Variants in INVS observed in about 807,000 individuals in gnomAD.
The protein encoded by INVS is inversion of embryo turning homolog.
Under a neutral mutation model 108.8 loss-of-function variants are expected in INVS, and 86 were observed. That is an observed-to-expected ratio of 0.79 (90% CI 0.66 to 0.95). INVS has a LOEUF of 0.95. Among genes scored for constraint, INVS ranks in the 40% least tolerant of loss-of-function variants. The pLI, the probability that INVS is intolerant of heterozygous loss-of-function variation, is 0.00. For missense variants in INVS, 1,169 were observed against 1,297.4 expected, an observed-to-expected ratio of 0.90 and a Z score of 1.52; for synonymous variants, 455 against 473.5, an observed-to-expected ratio of 0.96 and a Z score of 0.51.
intron 1 of INVS, chr9:100,101,588 C>T (rs1025803266): frequency 6.6e-6 from 1 of 152,104 alleles, no homozygotes; most frequent in African/African-American, 2.4e-5. Flanking sequence ...CTGTGCTTTA[C>T]CATAATTAAG....
chr9:100,210,450 A>G (rs1830800561), intron 3 of INVS, among the ~76,000 whole-genome samples: 1 of 152,184 alleles, frequency 6.6e-6, no homozygotes, highest in South Asian at 2.1e-4. Flanking sequence ...GGGAGCAGGA[A>G]CAAGATGGAG....
intron 10 of INVS, among the ~76,000 whole-genome samples, chr9:100,260,749 A>G (rs1247699808): frequency 6.6e-6 from 1 of 152,102 alleles, no homozygotes; most frequent in Non-Finnish European, 1.5e-5. Context: ...GCTTGGGGGG[A>G]GATTTAATAT....
chr9:100,276,029 G>T (rs756408995), intron 12 of INVS, among the ~76,000 whole-genome samples: 1 of 152,120 alleles, frequency 6.6e-6, no homozygotes, highest in African/African-American at 2.4e-5. Flanking sequence ...CAGATCTCCT[G>T]TAACTCTCTG....
intron 10 of INVS, among the ~76,000 whole-genome samples, chr9:100,259,458 A>G (rs1221544705): frequency 6.6e-6 from 1 of 151,568 alleles, no homozygotes; most frequent in East Asian, 1.9e-4. Context: ...TGAACCCGGT[A>G]CCTCAGTTGG....
At chr9:100,126,346 A>G (rs749652587) in intron 2 of INVS, 37 bp from the exon 3 acceptor site, 5 of 1,512,464 alleles carry the variant, frequency 3.3e-6, no homozygotes, top group African/African-American at 2.8e-5. Context: ...AGTAATAACA[A>G]TTATCAAATA....
intron 3 of INVS, among the ~76,000 whole-genome samples, chr9:100,201,021 A>G (rs1830515104): frequency 6.6e-6 from 1 of 152,244 alleles, no homozygotes; most frequent in Non-Finnish European, 1.5e-5. Flanking sequence ...CAAGCAGTCA[A>G]GCTACTGCAG....
chr9:100,276,754 C>T (rs1345890309), intron 12 of INVS, among the ~76,000 whole-genome samples: 1 of 152,188 alleles, frequency 6.6e-6, no homozygotes, highest in Non-Finnish European at 1.5e-5. Flanking sequence ...ACCCACCCAC[C>T]TCAGCCTCGC....
At chr9:100,273,507 GT>G (rs547296113) in intron 12 of INVS, among the ~76,000 whole-genome samples, 1 of 123,892 alleles carries the variant, frequency 8.1e-6, no homozygotes, top group Non-Finnish European at 1.7e-5. Flanking sequence ...AAACAACTTG[GT>G]TTTTTTTTCC....
chr9:100,263,902 A>C (rs541738285), intron 10 of INVS, among the ~76,000 whole-genome samples: 2 of 152,266 alleles, frequency 1.3e-5, no homozygotes, highest in Admixed American at 1.3e-4. Flanking sequence ...GGTCTTATAT[A>C]TCTTTACTGC....
chr9:100,238,859 A>G (rs1320627122), intron 5 of INVS, among the ~76,000 whole-genome samples: 1 of 152,248 alleles, frequency 6.6e-6, no homozygotes, highest in African/African-American at 2.4e-5. Context: ...AAATTAATTA[A>G]CATTGTGAAC....
intron 4 of INVS, among the ~76,000 whole-genome samples, chr9:100,227,740 C>G (rs1831377549): frequency 6.6e-6 from 1 of 151,860 alleles, no homozygotes; most frequent in South Asian, 2.1e-4. Flanking sequence ...AAACCACAGC[C>G]TTGCACAAAG....
chr9:100,175,186 G>A, intron 3 of INVS: 2 of 503,200 alleles, frequency 4.0e-6, no homozygotes, highest in Admixed American at 2.8e-5. Context: ...ACATGAGTGT[G>A]CATCCAGCTT....
Position 100,292,998 on chromosome 9 carries a change from G to T in INVS, c.2741G>T (p.Arg914Leu). Residue 914 changes from arginine to leucine, a missense_variant, in exon 14 of 17, where the codon CGC becomes CTC. Physicochemically the swap from Arg to Leu is moderately radical, Grantham distance 102. Transcript: ENST00000262457. ...QRERRRKELF[R>L]KKNKAAAVIQ... ...GAACGAAGGAGGAAGGAGCTGTTTC[G>T]CAAAAAGAACAAGGCAGCAGCAGTC... 6.2e-7 allele frequency: 1 copy of T among 1,613,886 alleles called. No homozygotes were observed. Among genetic ancestry groups the T allele is most frequent in the South Asian group, 1.1e-5 (1 of 91,078 alleles).
intron 3 of INVS, among the ~76,000 whole-genome samples, chr9:100,159,123 C>T (rs1031398340): frequency 5.9e-5 from 9 of 152,086 alleles, no homozygotes; most frequent in Non-Finnish European, 1.0e-4. Flanking sequence ...TCCGGTATTC[C>T]TTTATAAAAA....
intron 5 of INVS, among the ~76,000 whole-genome samples, chr9:100,238,567 A>G (rs1003157492): frequency 1.3e-5 from 2 of 152,086 alleles, no homozygotes; most frequent in Non-Finnish European, 2.9e-5. Context: ...AGGGTCTCCA[A>G]TTATATATCT....
rs1833942531 is a variant in INVS, at chr9:100,300,734, T to C, written c.*60T>C. 6 of 1,170,016 alleles carry C rather than the reference T, an allele frequency of 5.1e-6. No homozygotes were observed. Among genetic ancestry groups the C allele is most frequent in the Non-Finnish European group, 7.6e-6 (6 of 785,096 alleles). The allele number at this position is 1,170,016 out of a possible 1,614,324, so 72.5% of individuals were successfully genotyped here. The stretch of plus-strand genomic sequence containing the variant: ...GGCATAGCTAGTGCAGAGTTCAGAT[T>C]TTCTGCTGATAATCTTTTACACCTT... On this transcript the variant is annotated 3_prime_UTR_variant, in exon 17 of 17. Transcript: ENST00000262457.
At chr9:100,169,894 G>C (rs1352215219) in intron 3 of INVS, among the ~76,000 whole-genome samples, 2 of 152,112 alleles carry the variant, frequency 1.3e-5, no homozygotes, top group Non-Finnish European at 2.9e-5. Flanking sequence ...GTGTACAAAA[G>C]ACACTAGATG....
At position 100,175,704 on chromosome 9, in the gene INVS, A is replaced by C. The variant is rs545946428; in HGVS notation, c.273+49155A>C. On this transcript the variant is annotated intron_variant, in intron 3 of 16. Coordinates refer to ENST00000262457, the MANE Select transcript of INVS (RefSeq NM_014425.5). The stretch of plus-strand genomic sequence containing the variant: ...CTGCCTCCAAGGATGCTTGGCGAAC[A>C]TGTCTGGGAACCTTTCAATGCAGAG... The C allele has an allele frequency of 2.2e-5, 14 of 627,432 alleles. No individual in the cohort carries two copies. In the East Asian group the frequency reaches 2.4e-4, roughly 11 times the overall value. 38.9% of individuals were successfully genotyped at this position (627,432 alleles called of 1,614,324 possible). A position where few individuals can be genotyped will look rare whatever the true frequency, so the allele number is the denominator to read the frequency against.
chr9:100,121,929 C>T (rs1046486569), intron 2 of INVS, among the ~76,000 whole-genome samples: 2 of 152,090 alleles, frequency 1.3e-5, no homozygotes, highest in African/African-American at 4.8e-5. Context: ...TTTTTAATTT[C>T]CCTTGAGATT....
Sources: allele counts gnomAD v4.1 joint callset (sites outside exome capture counted in the v4.1 genomes callset), GRCh38; gene constraint gnomAD v4.1.1; transcripts MANE v1.5; gene names NCBI Gene and HGNC (gene_info 2026-07-23, HGNC 2026-07-21).